Variants in NRXN1 observed in about 807,000 individuals in gnomAD.
NRXN1 encodes the protein neurexin-1.
In NRXN1, 39 loss-of-function variants were observed where a neutral mutation model predicts 150.9. The ratio of observed to expected loss-of-function variants is 0.26; its 90% CI spans 0.20 to 0.34. NRXN1 has a LOEUF of 0.34. NRXN1 is among the 10% of genes least tolerant of loss of function. NRXN1 has a pLI of 1.00. For synonymous variants in NRXN1, 924 were observed against 757.0 expected, an observed-to-expected ratio of 1.22 and a Z score of -3.62; for missense variants, 1,815 against 1,949.9, an observed-to-expected ratio of 0.93 and a Z score of 1.30.
chr2:51,016,897 A>C (rs143088356), intron 2 of NRXN1, among the ~76,000 whole-genome samples: 7,612 of 152,252 alleles, frequency 0.05, 348 homozygotes, highest in East Asian at 0.25. Flanking sequence ...AATGTGGCAC[A>C]TATATACCAT....
At position 50,073,609 on chromosome 2, in the gene NRXN1, T is replaced by C. The variant is rs72834767; in HGVS notation, c.3718+17714A>G. 6.3e-3 allele frequency among the ~76,000 whole-genome samples: 956 copies of C among 152,258 alleles called. 6 individuals are homozygous for C. The highest frequency in any genetic ancestry group is 9.8e-3 in the Non-Finnish European group (664 of 68,018). ...GTAGTGCTCACTTTTTTTAATGCAG[T>C]AGAAAAAGAGAAGCAATTTGACATT... On this transcript the variant is annotated intron_variant, in intron 19 of 22. Transcript: ENST00000401669.
chr2:50,504,483 A>G (rs1008877158), intron 13 of NRXN1, among the ~76,000 whole-genome samples: 1 of 152,214 alleles, frequency 6.6e-6, no homozygotes, highest in Non-Finnish European at 1.5e-5. Context: ...AAATGTTCAC[A>G]GTAGTAAAGG....
intron 5 of NRXN1, among the ~76,000 whole-genome samples, chr2:50,755,570 A>G (rs538651558): frequency 6.6e-6 from 1 of 151,932 alleles, no homozygotes; most frequent in South Asian, 2.1e-4. Flanking sequence ...AATTAAGTTT[A>G]GCCTTGGATT....
chr2:50,512,768 A>T (rs1479290555), intron 12 of NRXN1, among the ~76,000 whole-genome samples: 3 of 152,198 alleles, frequency 2.0e-5, no homozygotes, highest in Non-Finnish European at 4.4e-5. Context: ...ATTTTTACAT[A>T]TTCAAAAAAT....
chr2:50,772,102 T>C (rs1055586539), intron 5 of NRXN1, among the ~76,000 whole-genome samples: 89 of 152,070 alleles, frequency 5.9e-4, no homozygotes, highest in African/African-American at 1.7e-3. Context: ...GTCCTGGGGT[T>C]ATGGGATACA....
chr2:50,515,722 G>A (rs577963435), intron 12 of NRXN1, among the ~76,000 whole-genome samples: 6 of 151,526 alleles, frequency 4.0e-5, no homozygotes, highest in African/African-American at 1.5e-4. Flanking sequence ...AGTTTTATTT[G>A]GCAGTTGACT....
intron 17 of NRXN1, among the ~76,000 whole-genome samples, chr2:50,426,621 A>G (rs887460717): frequency 3.9e-5 from 6 of 152,150 alleles, no homozygotes; most frequent in African/African-American, 1.4e-4. Context: ...TAATGTACCA[A>G]TTCTTTAGAG....
chr2:50,361,602 G>T (rs2079195672), intron 17 of NRXN1, among the ~76,000 whole-genome samples: 1 of 151,928 alleles, frequency 6.6e-6, no homozygotes, highest in African/African-American at 2.4e-5. Flanking sequence ...AACAAGTTCT[G>T]AAATTGAGGC....
Position 50,091,414 on chromosome 2 carries a change from A to G in NRXN1, c.3627T>C (p.Asp1209=), listed in dbSNP as rs1558858856. ...TGAAACGAACTACATGGTATTTCCC[A>G]TCATTAATGATTGCATTGGATTCTT... ...AIEESNAIIN[D]GKYHVVRFTR... is the part of the protein sequence containing the mutation. The change falls in exon 19 of 23, where the codon GAT becomes GAC. Residue 1209 remains aspartate (D), a synonymous_variant. Coordinates refer to ENST00000401669, the MANE Select transcript of NRXN1 (RefSeq NM_001330078.2). The G allele has an allele frequency of 6.2e-7, 1 of 1,614,210 alleles. No homozygotes were observed. The highest frequency in any genetic ancestry group is 8.5e-7 in the Non-Finnish European group (1 of 1,180,034).
chr2:50,652,930 A>G (rs748660768), intron 5 of NRXN1, among the ~76,000 whole-genome samples: 5 of 152,044 alleles, frequency 3.3e-5, no homozygotes, highest in African/African-American at 7.2e-5. Flanking sequence ...CCTATTGGCT[A>G]ATGATGTTGA....
At chr2:49,962,234 A>G (rs757837629) in intron 21 of NRXN1, among the ~76,000 whole-genome samples, 19 of 152,300 alleles carry the variant, frequency 1.2e-4, no homozygotes, top group Non-Finnish European at 2.2e-4. Flanking sequence ...AACCATCCTG[A>G]GTTCTGATGA....
chr2:50,217,525 G>GT (rs1024965257), intron 18 of NRXN1, among the ~76,000 whole-genome samples: 17 of 151,820 alleles, frequency 1.1e-4, no homozygotes, highest in African/African-American at 3.6e-4. Flanking sequence ...TAGGTATGTA[G>GT]TTTTTTTTAA....
intron 2 of NRXN1, among the ~76,000 whole-genome samples, chr2:51,020,585 T>G (rs1669450031): frequency 6.6e-6 from 1 of 151,996 alleles, no homozygotes; most frequent in South Asian, 2.1e-4. Context: ...CTCCCACAAA[T>G]TTTTAAGCTT....
chr2:50,934,683 A>G (rs1688259497), intron 2 of NRXN1, among the ~76,000 whole-genome samples: 1 of 152,158 alleles, frequency 6.6e-6, no homozygotes, highest in Non-Finnish European at 1.5e-5. Context: ...TAATGTACAT[A>G]TTATTTGTTC....
chr2:49,983,945 T>A (rs747857774), intron 21 of NRXN1, among the ~76,000 whole-genome samples: 1 of 152,022 alleles, frequency 6.6e-6, no homozygotes, highest in Non-Finnish European at 1.5e-5. Context: ...GGAGGATTAC[T>A]TGAGGCCAAG....
intron 2 of NRXN1, among the ~76,000 whole-genome samples, chr2:50,926,993 T>C (rs1167256268): frequency 6.6e-6 from 1 of 151,926 alleles, no homozygotes; most frequent in Non-Finnish European, 1.5e-5. Flanking sequence ...GGGAAAGCTG[T>C]CTTAGGGGAC....
At chr2:49,981,887 T>A (rs556129863) in intron 21 of NRXN1, among the ~76,000 whole-genome samples, 1 of 152,268 alleles carries the variant, frequency 6.6e-6, no homozygotes, top group South Asian at 2.1e-4. Context: ...CAAAGTTAAG[T>A]TGCTTAAGAT....
At chr2:50,499,531 G>T (rs992412819) in intron 13 of NRXN1, among the ~76,000 whole-genome samples, 1 of 151,118 alleles carries the variant, frequency 6.6e-6, no homozygotes, top group Non-Finnish European at 1.5e-5. Flanking sequence ...CCTCAATATT[G>T]TTCTGTGGGG....
At chr2:50,915,374 G>A (rs1223064143) in intron 5 of NRXN1, among the ~76,000 whole-genome samples, 1 of 151,514 alleles carries the variant, frequency 6.6e-6, no homozygotes, top group Non-Finnish European at 1.5e-5. Flanking sequence ...ATGAAAAAAT[G>A]TCTATCTCCC....
Sources: gnomAD v4.1 joint callset for allele counts (sites outside exome capture counted in the v4.1 genomes callset) on GRCh38, gnomAD v4.1.1 for gene constraint, MANE v1.5 for transcripts, NCBI Gene and HGNC (gene_info 2026-07-23, HGNC 2026-07-21) for gene names.